The following MAGI3 variants were observed in gnomAD, a reference collection of about 807,000 sequenced individuals.
MAGI3 encodes the protein membrane-associated guanylate kinase, WW and PDZ domain-containing protein 3.
A neutral mutation model predicts 121.8 loss-of-function variants in MAGI3; 43 were observed. That is an observed-to-expected ratio of 0.35 (90% CI 0.28 to 0.46). MAGI3 has a LOEUF of 0.46. Ranked by LOEUF, MAGI3 falls within the 20% of genes least tolerant of loss-of-function variation. The pLI is 1.00. For synonymous variants in MAGI3, 553 were observed against 639.3 expected (o/e 0.86, Z 2.04); for missense variants, 1,547 against 1,797.3 (o/e 0.86, Z 2.52).
At chr1:113,490,733 C>G (rs1022586237) in intron 1 of MAGI3, among the ~76,000 whole-genome samples, 3 of 152,150 alleles carry the variant, frequency 2.0e-5, no homozygotes, top group Admixed American at 6.5e-5. Context: ...ATCCTAGTTT[C>G]ACACACAACA....
intron 6 of MAGI3, among the ~76,000 whole-genome samples, chr1:113,596,838 TA>T (rs1458574195): frequency 6.6e-6 from 1 of 151,238 alleles, no homozygotes; most frequent in East Asian, 1.9e-4. Context: ...TTGGGGAGGA[TA>T]GGGAGAAACA....
At chr1:113,488,554 G>A (rs558853210) in intron 1 of MAGI3, among the ~76,000 whole-genome samples, 5 of 152,286 alleles carry the variant, frequency 3.3e-5, no homozygotes, top group African/African-American at 1.2e-4. Context: ...GGTTTCTGTG[G>A]GCATGAACCA....
At chr1:113,619,896 A>T in intron 8 of MAGI3, 66 bp downstream of exon 8, 1 of 1,183,218 alleles carries the variant, frequency 8.5e-7, no homozygotes, top group Non-Finnish European at 1.2e-6. Context: ...GAGTTAATAA[A>T]AGTGAGTTTG....
intron 2 of MAGI3, among the ~76,000 whole-genome samples, chr1:113,568,626 C>A (rs191612954): frequency 2.0e-3 from 308 of 152,042 alleles, no homozygotes; most frequent in Non-Finnish European, 3.6e-3. Context: ...AGATAGAAAG[C>A]CTAGTAGTAA....
intron 1 of MAGI3, among the ~76,000 whole-genome samples, chr1:113,453,691 TG>T (rs144394268): frequency 0.023 from 3,538 of 152,314 alleles, 133 homozygotes; most frequent in African/African-American, 0.081. Context: ...ATAGCCCATT[TG>T]GGGAGTTTCT....
intron 2 of MAGI3, among the ~76,000 whole-genome samples, chr1:113,557,954 C>T (rs530078427): frequency 5.3e-5 from 8 of 152,088 alleles, no homozygotes; most frequent in Admixed American, 1.3e-4. Context: ...ACCCCCAGCA[C>T]GCTCCAGCAG....
At chr1:113,660,776 T>C (rs1653747738) in intron 16 of MAGI3, among the ~76,000 whole-genome samples, 2 of 149,196 alleles carry the variant, frequency 1.3e-5, no homozygotes, top group Non-Finnish European at 3.0e-5. Flanking sequence ...ATTTTTTTTT[T>C]TTTTTTTTTT....
At chr1:113,439,285 A>C (rs1369715658) in intron 1 of MAGI3, among the ~76,000 whole-genome samples, 1 of 152,192 alleles carries the variant, frequency 6.6e-6, no homozygotes, top group African/African-American at 2.4e-5. Flanking sequence ...ATATTTTTGG[A>C]CCAATATTGA....
At chr1:113,516,390 CAAAAAAAAAAAAAAA>C (rs60186333) in intron 1 of MAGI3, among the ~76,000 whole-genome samples, 1 of 70,996 alleles carries the variant, frequency 1.4e-5, no homozygotes, top group Non-Finnish European at 2.5e-5. Flanking sequence ...GAAGTTCTCA[CAAAAAAAAAAAAAAA>C]AAAAAAAAAG....
At chr1:113,640,007 C>T (rs1472443747) in intron 9 of MAGI3, among the ~76,000 whole-genome samples, 2 of 152,150 alleles carry the variant, frequency 1.3e-5, no homozygotes, top group African/African-American at 4.8e-5. Context: ...CCAGTGGCTT[C>T]TTAAACTCAA....
chr1:113,447,142 GTTAAC>G (rs1383302271), intron 1 of MAGI3, among the ~76,000 whole-genome samples: 1 of 152,174 alleles, frequency 6.6e-6, no homozygotes, highest in Non-Finnish European at 1.5e-5. Flanking sequence ...TGATTAATAT[GTTAAC>G]TTTATGTTAT....
chr1:113,440,362 C>A (rs555748364), intron 1 of MAGI3, among the ~76,000 whole-genome samples: 2 of 152,262 alleles, frequency 1.3e-5, no homozygotes, highest in South Asian at 4.1e-4. Flanking sequence ...TGGAGATAGT[C>A]TTCAATGACT....
intron 2 of MAGI3, among the ~76,000 whole-genome samples, chr1:113,553,489 A>G (rs932466245): frequency 1.3e-5 from 2 of 152,176 alleles, no homozygotes; most frequent in African/African-American, 4.8e-5. Flanking sequence ...CAATTCCCAG[A>G]GCTTACCCAG....
intron 1 of MAGI3, among the ~76,000 whole-genome samples, chr1:113,481,040 T>C (rs1465519392): frequency 6.6e-6 from 1 of 152,238 alleles, no homozygotes; most frequent in Non-Finnish European, 1.5e-5. Context: ...CAGATTCCTG[T>C]TTCATATTAT....
chr1:113,529,345 C>G (rs1658599881), intron 1 of MAGI3, among the ~76,000 whole-genome samples: 1 of 152,142 alleles, frequency 6.6e-6, no homozygotes. Flanking sequence ...GTTGAAGGTG[C>G]CAGCAGATTT....
intron 1 of MAGI3, among the ~76,000 whole-genome samples, chr1:113,524,951 T>C (rs1658382441): frequency 6.6e-6 from 1 of 152,126 alleles, no homozygotes. Flanking sequence ...GGGTGGGTCT[T>C]TCCCATGCTA....
At chr1:113,496,792 A>G (rs1421368527) in intron 1 of MAGI3, among the ~76,000 whole-genome samples, 1 of 152,222 alleles carries the variant, frequency 6.6e-6, no homozygotes, top group African/African-American at 2.4e-5. Flanking sequence ...CCTGACCCTT[A>G]ATGAGCAAGT....
intron 1 of MAGI3, among the ~76,000 whole-genome samples, chr1:113,442,726 C>T (rs1442284637): frequency 6.6e-6 from 1 of 151,996 alleles, no homozygotes; most frequent in African/African-American, 2.4e-5. Flanking sequence ...CCTCCCACCT[C>T]AGCCTCTCGA....
chr1:113,542,095 C>T (rs1659312722), intron 1 of MAGI3, among the ~76,000 whole-genome samples: 1 of 152,172 alleles, frequency 6.6e-6, no homozygotes, highest in Non-Finnish European at 1.5e-5. Flanking sequence ...TCCCACAATA[C>T]TCTGTACAGT....
Sources: gnomAD v4.1 joint callset for allele counts (sites outside exome capture counted in the v4.1 genomes callset) on GRCh38, gnomAD v4.1.1 for gene constraint, MANE v1.5 for transcripts, NCBI Gene and HGNC (gene_info 2026-07-23, HGNC 2026-07-21) for gene names.